XRRA1: variants seen among roughly 807,000 people sequenced by gnomAD.
XRRA1 encodes X-ray radiation resistance-associated protein 1.
In XRRA1, 69 loss-of-function variants were observed where a neutral mutation model predicts 80.2. The observed-to-expected ratio is 0.86, with a 90% confidence interval of 0.71 to 1.05. The LOEUF is 1.05. XRRA1 is among the 50% of genes least tolerant of loss of function. The pLI is 0.00. For missense variants in XRRA1, 967 were observed against 976.4 expected, an observed-to-expected ratio of 0.99 and a Z score of 0.13; for synonymous variants, 348 against 389.9, an observed-to-expected ratio of 0.89 and a Z score of 1.27.
rs369714415 is a variant in XRRA1, at chr11:74,907,149, T to C, written c.781A>G (p.Arg261Gly). The C allele has an allele frequency of 4.3e-6, 7 of 1,613,572 alleles. No individual in the cohort carries two copies. Among genetic ancestry groups the C allele is most frequent in the East Asian group, 4.5e-5 (2 of 44,900 alleles). ...PSCFASLAGLRRLKKLSLDEN... is the reference protein window; with the variant it reads ...PSCFASLAGLGRLKKLSLDEN... ...GAGAAAGGCTTATGGCTTTACCTCC[T>C]GAGCCCAGCCAGGCTGGCAAAGCAA... The change falls in exon 9 of 19, where the codon AGG (arginine) becomes GGG (glycine). Residue 261 changes from arginine to glycine, a missense_variant. Transcript: ENST00000684022.
chr11:74,929,511 G>A (rs989798418), intron 6 of XRRA1, among the ~76,000 whole-genome samples: 1 of 152,168 alleles, frequency 6.6e-6, no homozygotes, highest in South Asian at 2.1e-4. Flanking sequence ...ATTCACTCCC[G>A]GTCCTTGATA....
intron 10 of XRRA1, among the ~76,000 whole-genome samples, chr11:74,892,224 A>C (rs557246328): frequency 9.2e-5 from 14 of 152,338 alleles, no homozygotes; most frequent in African/African-American, 2.9e-4. Context: ...CCAATGGAAC[A>C]GAACAGAGCC....
Position 74,843,234 on chromosome 11 carries a change from C to T in XRRA1, c.2369G>A (p.Cys790Tyr). The change falls in exon 19 of 19, where the codon TGC becomes TAC. Residue 790 changes from cysteine (C) to tyrosine (Y), a missense_variant. Physicochemically the swap from Cys to Tyr is radical, Grantham distance 194. Coordinates refer to ENST00000684022, the MANE Select transcript of XRRA1 (RefSeq NM_001378157.1). ...GHFLEFMDEF[C>Y]QEPTASDSQG is the part of the protein sequence containing the mutation. ...TGAGTCACTGGCTGTGGGCTCCTGG[C>T]AGAACTCATCCATGAACTCGAGGAA... The T allele has an allele frequency of 6.4e-7, 1 of 1,561,088 alleles. No homozygotes were observed. The highest frequency in any genetic ancestry group is 8.7e-7 in the Non-Finnish European group (1 of 1,152,662).
At chr11:74,932,222 T>A (rs1250675671) in intron 5 of XRRA1, among the ~76,000 whole-genome samples, 1 of 152,230 alleles carries the variant, frequency 6.6e-6, no homozygotes, top group Non-Finnish European at 1.5e-5. Flanking sequence ...TAGATATTTT[T>A]AATTAAATTT....
At chr11:74,883,798 G>C (rs1157437512) in intron 10 of XRRA1, among the ~76,000 whole-genome samples, 1 of 152,140 alleles carries the variant, frequency 6.6e-6, no homozygotes, top group Admixed American at 6.5e-5. Flanking sequence ...CCACTCCTCA[G>C]GGGGGAAATA....
chr11:74,856,718 A>AT (rs1436861587), intron 12 of XRRA1, among the ~76,000 whole-genome samples: 2 of 152,224 alleles, frequency 1.3e-5, no homozygotes, highest in Non-Finnish European at 2.9e-5. Flanking sequence ...AGAGAGATTG[A>AT]TGACAGCCTT....
chr11:74,916,996 C>A (rs1938933114), intron 8 of XRRA1, among the ~76,000 whole-genome samples: 1 of 152,126 alleles, frequency 6.6e-6, no homozygotes, highest in South Asian at 2.1e-4. Context: ...GCCTGGCTCC[C>A]AAAAGATGGG....
Position 74,843,029 on chromosome 11 carries a change from G to A in XRRA1, c.*171C>T. The A allele has an allele frequency of 1.1e-6, 1 of 891,832 alleles. No individual in the cohort carries two copies. The highest frequency in any genetic ancestry group is 1.7e-6 in the Non-Finnish European group (1 of 605,210). 55.2% of individuals were successfully genotyped at this position (891,832 alleles called of 1,614,324 possible). On this transcript the variant is annotated 3_prime_UTR_variant, in exon 19 of 19. Transcript: ENST00000684022. ...AGGCACCAGGTCATGCCTGGGCCAA[G>A]GAGGGGAGATCCTGACAAGGGGATG...
intron 10 of XRRA1, among the ~76,000 whole-genome samples, chr11:74,870,854 G>A (rs946591925): frequency 2.2e-4 from 33 of 152,184 alleles, no homozygotes; most frequent in African/African-American, 7.0e-4. Flanking sequence ...CCAAATTTTA[G>A]TTTTGATATT....
At chr11:74,896,600 C>T (rs2052376598) in intron 10 of XRRA1, among the ~76,000 whole-genome samples, 1 of 152,152 alleles carries the variant, frequency 6.6e-6, no homozygotes, top group Admixed American at 6.5e-5. Flanking sequence ...GGAAACTTGC[C>T]AACCTGAAGG....
intron 10 of XRRA1, among the ~76,000 whole-genome samples, chr11:74,883,522 A>C (rs1329579234): frequency 6.6e-6 from 1 of 152,222 alleles, no homozygotes; most frequent in Non-Finnish European, 1.5e-5. Context: ...CTATTCGGCC[A>C]TCTTGGCTCC....
intron 4 of XRRA1, among the ~76,000 whole-genome samples, chr11:74,935,092 C>T (rs1330592360): frequency 1.3e-5 from 2 of 152,144 alleles, no homozygotes; most frequent in Non-Finnish European, 2.9e-5. Flanking sequence ...CATGACTGTT[C>T]GGGCATGTTA....
Position 74,842,982 on chromosome 11 carries a change from C to T in XRRA1, c.*218G>A. On this transcript the variant is annotated 3_prime_UTR_variant, in exon 19 of 19. Coordinates refer to ENST00000684022, the MANE Select transcript of XRRA1 (RefSeq NM_001378157.1). ...CACCCAGTCTATTGCCCTGTGCACCCACTCTTTATTGCCGCTGGGCCAGGC... is the reference window on the plus strand; with the variant it reads ...CACCCAGTCTATTGCCCTGTGCACCTACTCTTTATTGCCGCTGGGCCAGGC... 1 of 601,248 alleles carries T rather than the reference C, an allele frequency of 1.7e-6. No individual in the cohort carries two copies. The highest frequency in any genetic ancestry group is 2.3e-5 in the South Asian group (1 of 44,416). The allele number at this position is 601,248 out of a possible 1,614,324, so 37.2% of individuals were successfully genotyped here.
rs2298746 is a variant in XRRA1, at chr11:74,842,789, C to T, written c.*411G>A. On this transcript the variant is annotated 3_prime_UTR_variant, in exon 19 of 19. Transcript: ENST00000684022. ...TCACAAGATCTGGTTTTTAAAAATA[C>T]CCTTTTTTGGAGCCATTGTTCAGGA... 48,950 of 185,170 alleles carry T rather than the reference C, an allele frequency of 0.26. 7,526 individuals are homozygous for T. The highest frequency in any genetic ancestry group is 0.53 in the East Asian group (3,683 of 6,932). 11.5% of individuals were successfully genotyped at this position (185,170 alleles called of 1,614,324 possible).
chr11:74,852,377 A>G (rs2040091397), intron 12 of XRRA1, among the ~76,000 whole-genome samples: 2 of 152,228 alleles, frequency 1.3e-5, no homozygotes, highest in Admixed American at 6.5e-5. Context: ...CCTACATCAA[A>G]TACTAGGGAA....
intron 1 of XRRA1, 53 bp from the exon 2 acceptor site, chr11:74,945,138 C>A (rs1565467654): frequency 6.6e-6 from 1 of 152,422 alleles, no homozygotes; most frequent in Non-Finnish European, 1.5e-5. Flanking sequence ...AGCTCTTGAA[C>A]TTCCTCATTA....
At chr11:74,875,611 G>A (rs1419821560) in intron 10 of XRRA1, among the ~76,000 whole-genome samples, 3 of 152,150 alleles carry the variant, frequency 2.0e-5, no homozygotes, top group African/African-American at 7.2e-5. Context: ...GGGCACGGTG[G>A]CTCACACCTG....
At chr11:74,928,607 A>G (rs1015992134) in intron 6 of XRRA1, among the ~76,000 whole-genome samples, 1 of 152,166 alleles carries the variant, frequency 6.6e-6, no homozygotes, top group African/African-American at 2.4e-5. Flanking sequence ...GAAACTCCTG[A>G]TGCTGTTGTA....
At chr11:74,881,797 G>A (rs1236138466) in intron 10 of XRRA1, among the ~76,000 whole-genome samples, 3 of 149,344 alleles carry the variant, frequency 2.0e-5, no homozygotes, top group Admixed American at 1.3e-4. Context: ...GAAATTCTGG[G>A]TTGAAAATTC....
Sources: allele counts gnomAD v4.1 joint callset (sites outside exome capture counted in the v4.1 genomes callset), GRCh38; gene constraint gnomAD v4.1.1; transcripts MANE v1.5; gene names NCBI Gene and HGNC (gene_info 2026-07-23, HGNC 2026-07-21).